UPB1: variants seen among roughly 807,000 people sequenced by gnomAD.
The protein encoded by UPB1 is beta-ureidopropionase 1.
In UPB1, 40 loss-of-function variants were observed where a neutral mutation model predicts 49.1. The ratio of observed to expected loss-of-function variants is 0.81; its 90% CI spans 0.63 to 1.06. UPB1 has a LOEUF of 1.06. UPB1 is among the 50% of genes least tolerant of loss of function. The pLI is 0.00. For missense variants in UPB1, 499 were observed against 505.9 expected, an observed-to-expected ratio of 0.99 and a Z score of 0.13; for synonymous variants, 207 against 198.2, an observed-to-expected ratio of 1.04 and a Z score of -0.38.
rs2043878085 is a variant in UPB1 at position 24,496,372 on chromosome 22, A to AC, written c.104+865_104+866insC. ...GGAGTCAGAGTGAGGCCCTGTCTCA[A>AC]ACACACACACACACACACACACACA... is the stretch of plus-strand genomic sequence containing the variant. On this transcript the variant is annotated intron_variant, in intron 1 of 9. Coordinates refer to ENST00000326010, the MANE Select transcript of UPB1 (RefSeq NM_016327.3). 3.6e-3 allele frequency among the ~76,000 whole-genome samples: 510 copies of AC among 141,618 alleles called. 2 individuals carry two copies. Among genetic ancestry groups the AC allele is most frequent in the African/African-American group, 0.013 (484 of 37,150 alleles). 92.9% of individuals were successfully genotyped at this position (141,618 alleles called of 152,430 possible).
At chr22:24,504,040 C>G (rs1423856169) in intron 3 of UPB1, among the ~76,000 whole-genome samples, 1 of 152,208 alleles carries the variant, frequency 6.6e-6, no homozygotes, top group Non-Finnish European at 1.5e-5. Context: ...AAACAAGTTT[C>G]ACGTATGAGG....
At chr22:24,514,430 C>T (rs534478120) in intron 5 of UPB1, among the ~76,000 whole-genome samples, 9 of 152,304 alleles carry the variant, frequency 5.9e-5, no homozygotes, top group African/African-American at 2.2e-4. Flanking sequence ...CGGTGTTCAC[C>T]ACGTGCACAC....
chr22:24,513,866 C>T (rs558757343), intron 5 of UPB1, among the ~76,000 whole-genome samples: 3 of 152,156 alleles, frequency 2.0e-5, no homozygotes, highest in African/African-American at 4.8e-5. Flanking sequence ...GAGCCTAGCA[C>T]GCCACAGCCC....
chr22:24,518,533 A>G (rs939278787), intron 6 of UPB1: 2 of 152,352 alleles, frequency 1.3e-5, no homozygotes, highest in Admixed American at 6.5e-5. Flanking sequence ...TTTCAGCATA[A>G]TGCTGGGCAA....
Position 24,502,159 on chromosome 22 carries a change from G to A in UPB1, c.310G>A (p.Val104Ile), listed in dbSNP as rs1176402115. The stretch of plus-strand genomic sequence containing the variant: ...CCTTCATAGACGCATAAAGGCTATC[G>A]TAGAGGTGGCTGCAATGTGTGGAGT... ...SALHRRIKAI[V>I]EVAAMCGVNI... The change falls in exon 3 of 10, where the codon GTA becomes ATA. Residue 104 changes from valine (V) to isoleucine (I), a missense_variant. Transcript: ENST00000326010. 17 of 1,614,056 alleles carry A rather than the reference G, an allele frequency of 1.1e-5. No individual in the cohort carries two copies. The highest frequency in any genetic ancestry group is 2.7e-5 in the African/African-American group (2 of 74,908).
rs979100676 is a variant in UPB1 at position 24,519,330 on chromosome 22, G to A, written c.792-1057G>A. Among the ~76,000 whole-genome samples the A allele has an allele frequency of 1.1e-4, 16 of 151,982 alleles. 1 individual carries two copies. The highest frequency in any genetic ancestry group is 2.1e-4 in the Non-Finnish European group (14 of 68,002). ...GCCTGCTGACACGAAGGAAGATTCC[G>A]GGGCATTTTGATCCTAGTCACACAG... is the stretch of plus-strand genomic sequence containing the variant. On this transcript the variant is annotated intron_variant, in intron 6 of 9. Coordinates refer to ENST00000326010, the MANE Select transcript of UPB1 (RefSeq NM_016327.3).
At chr22:24,522,224 T>G (rs1230406656) in intron 8 of UPB1, among the ~76,000 whole-genome samples, 196 bp downstream of exon 8, 2 of 152,036 alleles carry the variant, frequency 1.3e-5, no homozygotes, top group South Asian at 2.1e-4. Context: ...GGATAGGCAG[T>G]CCTGAGCTTG....
chr22:24,496,811 A>AG (rs5844593), intron 1 of UPB1, among the ~76,000 whole-genome samples: 152,251 of 152,252 alleles, frequency 1, 76,125 homozygotes, highest in Non-Finnish European at 1. Flanking sequence ...GGGGCAGGAC[A>AG]GGAAAGAAGC....
Position 24,526,653 on chromosome 22 carries a change from T to C in UPB1, c.*859T>C, listed in dbSNP as rs146935106. 3.3e-5 allele frequency: 5 copies of C among 152,346 alleles called. No individual in the cohort carries two copies. The highest frequency in any genetic ancestry group is 1.2e-4 in the African/African-American group (5 of 41,576). 9.4% of individuals were successfully genotyped at this position (152,346 alleles called of 1,614,324 possible). A position where few individuals can be genotyped will look rare whatever the true frequency, so the allele number is the denominator to read the frequency against. On this transcript the variant is annotated 3_prime_UTR_variant, in exon 10 of 10. Transcript: ENST00000326010. ...GGTGCCAAAAGTGGTTCTAGAAAAA[T>C]AGAATCTTAAAGATGAGTTTTCTGC...
chr22:24,524,425 A>G (rs1468409013), intron 9 of UPB1, among the ~76,000 whole-genome samples: 3 of 152,214 alleles, frequency 2.0e-5, no homozygotes, highest in Admixed American at 6.5e-5. Flanking sequence ...TCACAGCTTC[A>G]GAGTTTGCTG....
chr22:24,517,840 C>T (rs1423529048), intron 6 of UPB1, among the ~76,000 whole-genome samples: 3 of 152,160 alleles, frequency 2.0e-5, no homozygotes, highest in Non-Finnish European at 4.4e-5. Flanking sequence ...TAATGATGCT[C>T]CTAGAACTGT....
Position 24,513,435 on chromosome 22 carries a change from C to T in UPB1, c.571C>T (p.Leu191=). 1 of 1,614,154 alleles carries T rather than the reference C, an allele frequency of 6.2e-7. No homozygotes were observed. The highest frequency in any genetic ancestry group is 1.1e-5 in the South Asian group (1 of 91,064). The part of the protein sequence containing the change: ...AVVISNSGAV[L]GKTRKNHIPR... ...GGTGATCTCCAATTCCGGAGCAGTC[C>T]TGGGAAAGACCAGGAAAAACCACAT... Residue 191 remains leucine (L), a synonymous_variant, in exon 5 of 10, where the codon CTG becomes TTG. Transcript: ENST00000326010.
chr22:24,515,509 T>A, intron 6 of UPB1, 139 bp downstream of exon 6: 1 of 1,144,834 alleles, frequency 8.7e-7, no homozygotes, highest in Non-Finnish European at 1.3e-6. Context: ...CAGGATTGCA[T>A]GTTGTACATG....
intron 1 of UPB1, among the ~76,000 whole-genome samples, chr22:24,496,862 G>T (rs2043899610): frequency 1.3e-5 from 2 of 152,222 alleles, no homozygotes; most frequent in African/African-American, 2.4e-5. Flanking sequence ...AGGACAGCAG[G>T]AAGTCTGCTG....
At chr22:24,508,427 C>T (rs956204005) in intron 3 of UPB1, among the ~76,000 whole-genome samples, 2 of 151,512 alleles carry the variant, frequency 1.3e-5, no homozygotes, top group Non-Finnish European at 2.9e-5. Context: ...GATGTGGTGG[C>T]GGGCACCTGT....
chr22:24,509,347 T>C (rs2044149442), intron 3 of UPB1, among the ~76,000 whole-genome samples: 1 of 124,746 alleles, frequency 8.0e-6, no homozygotes, highest in South Asian at 2.5e-4. Flanking sequence ...TCTGTGTGTA[T>C]GTACCTACTG....
chr22:24,508,566 GAAAAA>G (rs760083449), intron 3 of UPB1, among the ~76,000 whole-genome samples: 3 of 134,534 alleles, frequency 2.2e-5, no homozygotes, highest in African/African-American at 8.0e-5. Context: ...TCTCAAAAAA[GAAAAA>G]AAAAGAAAGA....
In UPB1 at chr22:24,526,721, A is replaced by C. The variant is rs1346451257; in HGVS notation, c.*927A>C. Reference sequence around the variant, plus strand: ...TTAGAATTCTTCCCTAGTTTGATTGAACTTAAAGGCATCAATGACTCTATT... The same window carrying C: ...TTAGAATTCTTCCCTAGTTTGATTGCACTTAAAGGCATCAATGACTCTATT... On this transcript the variant is annotated 3_prime_UTR_variant, in exon 10 of 10. Transcript: ENST00000326010. 1.3e-5 allele frequency: 2 copies of C among 152,148 alleles called. No individual in the cohort carries two copies. The highest frequency in any genetic ancestry group is 3.8e-4 in the East Asian group (2 of 5,198). 9.4% of individuals were successfully genotyped at this position (152,148 alleles called of 1,614,324 possible).
chr22:24,500,984 G>A (rs1295395179), intron 2 of UPB1, among the ~76,000 whole-genome samples: 1 of 152,172 alleles, frequency 6.6e-6, no homozygotes, highest in Non-Finnish European at 1.5e-5. Flanking sequence ...GTTTGGTTCT[G>A]CATCATCATT....
Sources: allele counts gnomAD v4.1 joint callset (sites outside exome capture counted in the v4.1 genomes callset), GRCh38; gene constraint gnomAD v4.1.1; transcripts MANE v1.5; gene names NCBI Gene and HGNC (gene_info 2026-07-23, HGNC 2026-07-21).